The following PDZD2 variants were observed in gnomAD, a reference collection of about 807,000 sequenced individuals.
PDZD2 encodes the protein PDZ domain containing 2.
In PDZD2, 90 loss-of-function variants were observed where a neutral mutation model predicts 220.7. The ratio of observed to expected loss-of-function variants is 0.41; its 90% CI spans 0.34 to 0.49. The LOEUF is 0.49. Ranked by LOEUF, PDZD2 falls within the 20% of genes least tolerant of loss-of-function variation. The probability of loss-of-function intolerance (pLI) is 0.28; values close to 1 mark genes in which losing one functional copy is unlikely to be tolerated. For synonymous variants in PDZD2, 1,375 were observed against 1,450.5 expected (o/e 0.95, Z 1.18); for missense variants, 3,174 against 3,608.5 (o/e 0.88, Z 3.08).
chr5:31,705,183 CACACACACACACACACACACACACACAT>C (rs1187591082), intron 1 of PDZD2, among the ~76,000 whole-genome samples: 1 of 60,208 alleles, frequency 1.7e-5, no homozygotes, highest in Admixed American at 1.9e-4. Context: ...TATACACACA[CACACACACACACACACACACACACACAT>C]ACACACTCAC....
intron 2 of PDZD2, chr5:31,823,011 G>T: frequency 8.4e-7 from 1 of 1,190,666 alleles, no homozygotes; most frequent in Non-Finnish European, 1.2e-6. Context: ...TGAGTTCTAC[G>T]TTGATGTGAT....
At position 32,000,273 on chromosome 5, in the gene PDZD2, T is replaced by C; in HGVS notation, c.1254+2T>C. On this transcript the variant is annotated splice_donor_variant, in intron 5 of 24. Transcript: ENST00000438447. LOFTEE classifies it high-confidence loss of function. This position sits in a 1 kb window ranked among gnomAD's most constrained non-coding sequence, Gnocchi z 4.5. Reference sequence around the variant, plus strand: ...GTGCAGCTTGTGGTGGCCAGCAAGGTAGGTCGTGTTTGTTTTTTGGTACTC... The same window carrying C: ...GTGCAGCTTGTGGTGGCCAGCAAGGCAGGTCGTGTTTGTTTTTTGGTACTC... The C allele has an allele frequency of 6.2e-7, 1 of 1,614,042 alleles. No individual in the cohort carries two copies. Among genetic ancestry groups the C allele is most frequent in the Non-Finnish European group, 8.5e-7 (1 of 1,179,984 alleles).
intron 7 of PDZD2, among the ~76,000 whole-genome samples, chr5:32,046,898 C>A (rs1243004458): frequency 6.6e-6 from 1 of 152,006 alleles, no homozygotes; most frequent in Non-Finnish European, 1.5e-5. Context: ...AAAAAATTAG[C>A]TGGGCGTGGT....
chr5:32,054,682 A>G (rs1738938532), intron 10 of PDZD2, among the ~76,000 whole-genome samples: 1 of 152,210 alleles, frequency 6.6e-6, no homozygotes, highest in African/African-American at 2.4e-5. Context: ...ATGCGAATAT[A>G]CTAGACAAGT....
At chr5:31,692,239 G>T (rs544324588) in intron 1 of PDZD2, among the ~76,000 whole-genome samples, 2 of 152,208 alleles carry the variant, frequency 1.3e-5, no homozygotes, top group Admixed American at 6.5e-5. Context: ...GCCCGGGGCC[G>T]GTGGGGCCGG....
intron 2 of PDZD2, among the ~76,000 whole-genome samples, chr5:31,891,558 G>T (rs368156816): frequency 1.7e-4 from 26 of 151,118 alleles, no homozygotes; most frequent in African/African-American, 5.6e-4. Context: ...CAGGTGATCC[G>T]CCCGCCTCTG....
chr5:31,667,376 GACAGACACGAAA>G (rs1252010274), intron 1 of PDZD2, among the ~76,000 whole-genome samples: 1 of 152,062 alleles, frequency 6.6e-6, no homozygotes, highest in Non-Finnish European at 1.5e-5. Flanking sequence ...GAGGTGGGAG[GACAGACACGAAA>G]CAGAAACCAG....
chr5:31,886,696 C>T (rs1561542333), intron 2 of PDZD2, among the ~76,000 whole-genome samples: 1 of 122,878 alleles, frequency 8.1e-6, no homozygotes, highest in African/African-American at 4.0e-5. Context: ...GCACTTGTCT[C>T]TGTCTCTTTT....
chr5:31,817,500 A>T (rs1427632225), intron 2 of PDZD2, among the ~76,000 whole-genome samples: 1 of 152,126 alleles, frequency 6.6e-6, no homozygotes, highest in African/African-American at 2.4e-5. Flanking sequence ...CTCAGAAAAA[A>T]AAAAAGTAGC....
At chr5:31,981,246 A>G (rs1750273537) in intron 2 of PDZD2, among the ~76,000 whole-genome samples, 1 of 151,470 alleles carries the variant, frequency 6.6e-6, no homozygotes, top group Non-Finnish European at 1.5e-5. Context: ...AGTCATGAGT[A>G]CCCCCCACCT....
rs150538926 is a variant in PDZD2 at position 32,037,263 on chromosome 5, C to T, written c.1440C>T (p.Cys480=). The T allele has an allele frequency of 0.012, 19,061 of 1,612,588 alleles. 151 individuals carry two copies. Among genetic ancestry groups the T allele is most frequent in the Middle Eastern group, 0.017 (103 of 6,060 alleles). Reference sequence around the variant, plus strand: ...GGACAGATGAACCCCAAGATGTGTGCGGTGCTGAGGAATCCAAGGGGAACT... The same window carrying T: ...GGACAGATGAACCCCAAGATGTGTGTGGTGCTGAGGAATCCAAGGGGAACT... ...MPGTDEPQDV[C]GAEESKGNLE... is the part of the protein sequence containing the mutation. Residue 480 remains cysteine (C), a synonymous_variant, in exon 7 of 25, where the codon TGC becomes TGT. Coordinates refer to ENST00000438447, the MANE Select transcript of PDZD2 (RefSeq NM_178140.4).
intron 5 of PDZD2, among the ~76,000 whole-genome samples, chr5:32,007,211 C>A (rs1430127772): frequency 6.6e-6 from 1 of 152,006 alleles, no homozygotes; most frequent in Non-Finnish European, 1.5e-5. Flanking sequence ...AGCCACCGCG[C>A]CCGGCCTGCC....
Position 31,639,451 on chromosome 5 carries a change from C to T in PDZD2, c.-361+14C>T, listed in dbSNP as rs893636544. On this transcript the variant is annotated intron_variant, in intron 1 of 24. Transcript: ENST00000438447. The surrounding 1 kb of genome is among the most constrained non-coding windows in gnomAD (Gnocchi z 4.1). ...AGCCGCGAGCAGGTGAAGCGACCGT[C>T]CCGCTGCAGCCGGGACGCGCGGCTC... The T allele has an allele frequency of 6.6e-6, 1 of 151,890 alleles. No homozygotes were observed. Among genetic ancestry groups the T allele is most frequent in the African/African-American group, 2.4e-5 (1 of 41,392 alleles). 9.4% of individuals were successfully genotyped at this position (151,890 alleles called of 1,614,324 possible). A position where few individuals can be genotyped will look rare whatever the true frequency, so the allele number is the denominator to read the frequency against.
chr5:31,730,740 C>G (rs1749492666), intron 1 of PDZD2, among the ~76,000 whole-genome samples: 1 of 152,004 alleles, frequency 6.6e-6, no homozygotes, highest in Non-Finnish European at 1.5e-5. Flanking sequence ...AAGTCACCAG[C>G]TTTATCATGA....
At chr5:31,647,942 A>G (rs1452720066) in intron 1 of PDZD2, among the ~76,000 whole-genome samples, 1 of 151,772 alleles carries the variant, frequency 6.6e-6, no homozygotes, top group Admixed American at 6.6e-5. Flanking sequence ...ATGGACCACT[A>G]CTCTCTTTTG....
intron 1 of PDZD2, among the ~76,000 whole-genome samples, chr5:31,786,867 A>G (rs551849726): frequency 2.0e-5 from 3 of 152,352 alleles, no homozygotes; most frequent in South Asian, 2.1e-4. Context: ...CTGAGTAGTT[A>G]CATGCTAAGA....
At chr5:31,669,101 C>T (rs935410823) in intron 1 of PDZD2, among the ~76,000 whole-genome samples, 3 of 152,242 alleles carry the variant, frequency 2.0e-5, no homozygotes, top group East Asian at 1.9e-4. Context: ...GTGCACAGGA[C>T]GTCCTCTCTT....
chr5:31,924,445 T>C (rs969794525), intron 2 of PDZD2, among the ~76,000 whole-genome samples: 1 of 152,196 alleles, frequency 6.6e-6, no homozygotes, highest in Non-Finnish European at 1.5e-5. Flanking sequence ...GCTTTGAGGC[T>C]TTCCTGAAGA....
intron 1 of PDZD2, among the ~76,000 whole-genome samples, chr5:31,774,886 G>A (rs1483021368): frequency 6.6e-6 from 1 of 152,210 alleles, no homozygotes; most frequent in Admixed American, 6.5e-5. Flanking sequence ...TCCTTAGTGT[G>A]CTGTTAAATG....
Sources: allele counts gnomAD v4.1 joint callset (sites outside exome capture counted in the v4.1 genomes callset), GRCh38; gene constraint gnomAD v4.1.1; non-coding constraint Gnocchi (gnomAD v3.1); transcripts MANE v1.5; gene names NCBI Gene and HGNC (gene_info 2026-07-23, HGNC 2026-07-21).